The following SNCAIP variants were observed in gnomAD, a reference collection of about 807,000 sequenced individuals.
SNCAIP encodes synphilin-1.
A neutral mutation model predicts 86.7 loss-of-function variants in SNCAIP; 43 were observed. The ratio of observed to expected loss-of-function variants is 0.50; its 90% CI spans 0.39 to 0.64. SNCAIP has a LOEUF of 0.64. SNCAIP is among the 30% of genes least tolerant of loss of function. SNCAIP has a pLI of 0.00. For synonymous variants in SNCAIP, 417 were observed against 427.2 expected (o/e 0.98, Z 0.29); for missense variants, 981 against 1,103.1 (o/e 0.89, Z 1.57).
At chr5:122,442,196 A>G (rs722032) in intron 7 of SNCAIP, among the ~76,000 whole-genome samples, 31,244 of 139,970 alleles carry the variant, frequency 0.22, 3,748 homozygotes, top group South Asian at 0.33. Context: ...TTCAACAGGT[A>G]CTTACTGAGG....
chr5:122,408,122 C>A (rs1485716532), intron 3 of SNCAIP, among the ~76,000 whole-genome samples: 3 of 152,186 alleles, frequency 2.0e-5, no homozygotes, highest in African/African-American at 7.2e-5. Flanking sequence ...TCTTTTCACT[C>A]TCCTGTGGAT....
rs1313473108 is a variant in SNCAIP at position 122,463,683 on chromosome 5, G to A, written c.*187G>A. ...TGAAAACAATGCCTCACCAGCAGAA[G>A]AACAGAATATCAGGATGCCTTAAAT... On this transcript the variant is annotated 3_prime_UTR_variant, in exon 11 of 11. Transcript: ENST00000261368. 2 of 601,904 alleles carry A rather than the reference G, an allele frequency of 3.3e-6. No homozygotes were observed. The highest frequency in any genetic ancestry group is 2.3e-5 in the South Asian group (1 of 44,334). 37.3% of individuals were successfully genotyped at this position (601,904 alleles called of 1,614,324 possible).
At chr5:122,365,040 G>T (rs904917754) in intron 1 of SNCAIP, among the ~76,000 whole-genome samples, 1 of 152,142 alleles carries the variant, frequency 6.6e-6, no homozygotes, top group African/African-American at 2.4e-5. Context: ...AATCTCAAAA[G>T]AATCTGCCAT....
chr5:122,344,567 G>A lies in SNCAIP; in HGVS notation c.-47+32283G>A, dbSNP rs76576060. Among the ~76,000 whole-genome samples the A allele has an allele frequency of 7.5e-3, 1,135 of 152,202 alleles. 30 individuals are homozygous for A. Among genetic ancestry groups the A allele is most frequent in the Admixed American group, 0.032 (494 of 15,276 alleles). ...AAAGCTCAGATGATGCATGAAGTGA[G>A]AAAACAGTAGGAAATACCAACATTT... On this transcript the variant is annotated intron_variant, in intron 1 of 10. Coordinates refer to ENST00000261368, the MANE Select transcript of SNCAIP (RefSeq NM_005460.4).
At chr5:122,325,227 T>C (rs1452690338) in intron 1 of SNCAIP, among the ~76,000 whole-genome samples, 1 of 152,200 alleles carries the variant, frequency 6.6e-6, no homozygotes, top group Non-Finnish European at 1.5e-5. Context: ...TGGCCAGCCT[T>C]ATGGAATCCA....
At position 122,423,483 on chromosome 5, in the gene SNCAIP, A is replaced by G. The variant is rs750855774; in HGVS notation, c.746A>G (p.Tyr249Cys). Residue 249 changes from tyrosine to cysteine, a missense_variant, in exon 4 of 11, where the codon TAT becomes TGT. Coordinates refer to ENST00000261368, the MANE Select transcript of SNCAIP (RefSeq NM_005460.4). ...CCTCTGGTTAAATGTGGCTCTGCAT[A>G]TGAGCCTGAAAACCAGAGTAAAGAC... is the stretch of plus-strand genomic sequence containing the variant. ...SPPLVKCGSA[Y>C]EPENQSKDFL... is the part of the protein sequence containing the mutation. The G allele has an allele frequency of 1.9e-6, 3 of 1,614,084 alleles. No individual in the cohort carries two copies. Among genetic ancestry groups the G allele is most frequent in the Admixed American group, 1.7e-5 (1 of 60,004 alleles).
chr5:122,440,564 T>C (rs1581273648), intron 6 of SNCAIP, 65 bp from the exon 7 acceptor site: 8 of 1,498,772 alleles, frequency 5.3e-6, no homozygotes, highest in Non-Finnish European at 6.5e-6. Flanking sequence ...ATTGTTTTCC[T>C]CTGTCTTTTT....
intron 1 of SNCAIP, among the ~76,000 whole-genome samples, chr5:122,349,149 T>C (rs1580574819): frequency 1.3e-5 from 2 of 152,200 alleles, no homozygotes; most frequent in African/African-American, 2.4e-5. Flanking sequence ...TATGCCTCAG[T>C]TGATTCCTTC....
intron 1 of SNCAIP, among the ~76,000 whole-genome samples, chr5:122,337,367 ATG>A (rs1268180063): frequency 6.6e-6 from 1 of 152,210 alleles, no homozygotes; most frequent in Non-Finnish European, 1.5e-5. Context: ...CTTCCTTTAA[ATG>A]AGAATAACTT....
chr5:122,320,785 G>T (rs1752758505), intron 1 of SNCAIP, among the ~76,000 whole-genome samples: 1 of 152,140 alleles, frequency 6.6e-6, no homozygotes, highest in Non-Finnish European at 1.5e-5. Context: ...GTAACTGCTT[G>T]GTCTGGTCCC....
At chr5:122,377,492 G>C (rs1765581578) in intron 1 of SNCAIP, among the ~76,000 whole-genome samples, 1 of 112,230 alleles carries the variant, frequency 8.9e-6, no homozygotes, top group Non-Finnish European at 2.0e-5. Flanking sequence ...GAGGGAGACA[G>C]ACAGAGAGAG....
chr5:122,385,302 A>C (rs1194485941), intron 1 of SNCAIP, among the ~76,000 whole-genome samples: 2 of 152,226 alleles, frequency 1.3e-5, no homozygotes, highest in African/African-American at 2.4e-5. Context: ...GATAAAGTCC[A>C]CAGGGCTTGT....
At chr5:122,413,564 C>G (rs1042534801) in intron 3 of SNCAIP, among the ~76,000 whole-genome samples, 6 of 152,010 alleles carry the variant, frequency 3.9e-5, no homozygotes, top group African/African-American at 7.3e-5. Flanking sequence ...ATTGTCTGAG[C>G]AGGATTATAT....
At chr5:122,379,591 T>G (rs930430466) in intron 1 of SNCAIP, among the ~76,000 whole-genome samples, 1 of 150,314 alleles carries the variant, frequency 6.7e-6, no homozygotes, top group Non-Finnish European at 1.5e-5. Context: ...ATAGGAGTGG[T>G]GAGAGAGGGC....
chr5:122,391,335 G>A (rs773160820), intron 2 of SNCAIP, 144 bp downstream of exon 2: 11 of 707,260 alleles, frequency 1.6e-5, no homozygotes, highest in African/African-American at 1.1e-4. Flanking sequence ...TGGCAGACTC[G>A]GTGTGGTTTG....
At chr5:122,316,444 G>T (rs986811895) in intron 1 of SNCAIP, among the ~76,000 whole-genome samples, 3 of 152,208 alleles carry the variant, frequency 2.0e-5, no homozygotes, top group African/African-American at 7.2e-5. Flanking sequence ...GAGCACTGCT[G>T]TCAGAAGTGG....
At chr5:122,311,815 G>C (rs1315661469), upstream of SNCAIP, 3 of 152,676 alleles carry the variant, frequency 2.0e-5, no homozygotes, top group African/African-American at 7.2e-5. Flanking sequence ...GACAGGAGCC[G>C]GCGGGCAGGC....
intron 3 of SNCAIP, among the ~76,000 whole-genome samples, chr5:122,413,752 GA>G (rs376323154): frequency 2.0e-4 from 30 of 149,410 alleles, no homozygotes; most frequent in African/African-American, 6.9e-4. Context: ...AAAGAAAAAA[GA>G]AAAAAAAAGG....
chr5:122,440,885 A>G (rs1780731197), intron 7 of SNCAIP, 131 bp downstream of exon 7: 9 of 856,018 alleles, frequency 1.1e-5, no homozygotes, highest in Non-Finnish European at 1.7e-5. Context: ...ATAAGGAATT[A>G]TTGCTCTATT....
Sources: gnomAD v4.1 joint callset for allele counts (sites outside exome capture counted in the v4.1 genomes callset) on GRCh38, gnomAD v4.1.1 for gene constraint, MANE v1.5 for transcripts, NCBI Gene and HGNC (gene_info 2026-07-23, HGNC 2026-07-21) for gene names.